Variants in MAGI1 observed in about 807,000 individuals in gnomAD.
MAGI1 encodes membrane associated guanylate kinase, WW and PDZ domain containing 1.
Under a neutral mutation model 139.9 loss-of-function variants are expected in MAGI1, and 58 were observed. The ratio of observed to expected loss-of-function variants is 0.41; its 90% CI spans 0.34 to 0.52. The LOEUF (loss-of-function observed/expected upper bound fraction) is 0.52, where lower values mean the gene tolerates loss of function less well. MAGI1 is among the 20% of genes least tolerant of loss of function. The pLI, the probability that MAGI1 is intolerant of heterozygous loss-of-function variation, is 0.12. For synonymous variants in MAGI1, 812 were observed against 737.9 expected (o/e 1.10, Z -1.63); for missense variants, 1,874 against 1,901.6 (o/e 0.99, Z 0.27).
At chr3:65,375,690 G>C in intron 18 of MAGI1, 55 bp downstream of exon 18, 1 of 1,369,352 alleles carries the variant, frequency 7.3e-7, no homozygotes, top group Non-Finnish European at 1.0e-6. Flanking sequence ...GGAAAAGACA[G>C]AGACAGAGAG....
intron 2 of MAGI1, among the ~76,000 whole-genome samples, chr3:65,617,009 A>G (rs1363709532): frequency 2.6e-5 from 4 of 152,240 alleles, no homozygotes; most frequent in Admixed American, 2.0e-4. Flanking sequence ...CCCATTTAAA[A>G]TAATAGGCAA....
intron 2 of MAGI1, among the ~76,000 whole-genome samples, chr3:65,526,980 C>T (rs1176557137): frequency 1.3e-5 from 2 of 152,166 alleles, no homozygotes; most frequent in Non-Finnish European, 2.9e-5. Flanking sequence ...CTGAAAGATA[C>T]ATATAAAGCA....
intron 1 of MAGI1, among the ~76,000 whole-genome samples, chr3:66,025,526 G>C (rs2068207938): frequency 1.3e-5 from 2 of 152,150 alleles, no homozygotes; most frequent in Admixed American, 6.5e-5. Flanking sequence ...AGAGAAGTAA[G>C]GCTCTGTCTC....
chr3:65,589,903 A>G (rs1162279464), intron 2 of MAGI1, among the ~76,000 whole-genome samples: 2 of 151,726 alleles, frequency 1.3e-5, no homozygotes, highest in Non-Finnish European at 2.9e-5. Context: ...CATCACCTTC[A>G]GGATAAGTTC....
intron 14 of MAGI1, among the ~76,000 whole-genome samples, chr3:65,388,604 G>A (rs2106959055): frequency 6.6e-6 from 1 of 152,182 alleles, no homozygotes; most frequent in Admixed American, 6.5e-5. Context: ...GAAAATCTGT[G>A]ACAGATACTG....
chr3:65,609,561 G>A (rs1224044307), intron 2 of MAGI1, among the ~76,000 whole-genome samples: 1 of 151,894 alleles, frequency 6.6e-6, no homozygotes, highest in South Asian at 2.1e-4. Context: ...TTACAGGTAC[G>A]AGCCACCGGG....
intron 16 of MAGI1, 84 bp from the exon 17 acceptor site, chr3:65,379,638 G>A (rs1942876240): frequency 1.2e-5 from 18 of 1,535,006 alleles, no homozygotes; most frequent in Non-Finnish European, 1.5e-5. Flanking sequence ...AGCAACTCCT[G>A]CTAGAAATCA....
chr3:65,688,038 A>C, intron 1 of MAGI1: 1 of 799,470 alleles, frequency 1.3e-6, no homozygotes, highest in Non-Finnish European at 2.2e-6. Flanking sequence ...CCTGGATCCT[A>C]GGCCTACTAA....
intron 2 of MAGI1, among the ~76,000 whole-genome samples, chr3:65,544,495 G>A (rs926614159): frequency 2.6e-5 from 4 of 152,166 alleles, no homozygotes; most frequent in African/African-American, 9.7e-5. Context: ...TAGACTAGAT[G>A]CTGTTAAGAC....
At chr3:65,544,811 G>A (rs1040687161) in intron 2 of MAGI1, among the ~76,000 whole-genome samples, 1 of 152,200 alleles carries the variant, frequency 6.6e-6, no homozygotes, top group Non-Finnish European at 1.5e-5. Flanking sequence ...GAAATATTCA[G>A]AGGCAGGTAG....
At position 65,478,712 on chromosome 3, in the gene MAGI1, C is replaced by T; in HGVS notation, c.637G>A (p.Gly213Ser). ...CGCTTCGGGGTCGACTGCTTAGAGCCAGACTGAAGGCTGTGCAAGGCATCC... is the reference window on the plus strand; with the variant it reads ...CGCTTCGGGGTCGACTGCTTAGAGCTAGACTGAAGGCTGTGCAAGGCATCC... ...TTDALHSLQSGSKQSTPKRTK... is the reference protein window; with the variant it reads ...TTDALHSLQSSSKQSTPKRTK... The change falls in exon 4 of 23, where the codon GGC becomes AGC. Residue 213 changes from glycine to serine, a missense_variant. By Grantham distance (56) the Gly-to-Ser change is moderately conservative. Coordinates refer to ENST00000402939, the MANE Select transcript of MAGI1 (RefSeq NM_001033057.2). 2 of 1,614,080 alleles carry T rather than the reference C, an allele frequency of 1.2e-6. No homozygotes were observed. The highest frequency in any genetic ancestry group is 1.7e-6 in the Non-Finnish European group (2 of 1,179,994).
chr3:65,570,483 G>C (rs927927008), intron 2 of MAGI1, among the ~76,000 whole-genome samples: 8 of 151,888 alleles, frequency 5.3e-5, no homozygotes, highest in African/African-American at 1.9e-4. Flanking sequence ...ATTATATATA[G>C]CTTAGAAATT....
chr3:65,439,749 C>T (rs1559554747), intron 9 of MAGI1, 130 bp downstream of exon 9: 4 of 1,538,132 alleles, frequency 2.6e-6, no homozygotes, highest in Non-Finnish European at 3.5e-6. Flanking sequence ...CCCCACAGGA[C>T]ATCAGCTCTT....
rs1266933760 is a variant in MAGI1, at chr3:65,426,381, C to T, written c.2167+3139G>A. Reference sequence around the variant, plus strand: ...TCTTGACAAGAACAAATGTCAAAAACGAGCTCTAGAGATGAGGAATTAAAA... The same window carrying T: ...TCTTGACAAGAACAAATGTCAAAAATGAGCTCTAGAGATGAGGAATTAAAA... On this transcript the variant is annotated intron_variant, in intron 12 of 22. Coordinates refer to ENST00000402939, the MANE Select transcript of MAGI1 (RefSeq NM_001033057.2). Among the ~76,000 whole-genome samples, 5 of 152,216 alleles carry T rather than the reference C, an allele frequency of 3.3e-5. No homozygotes were observed. In the East Asian group the frequency reaches 9.6e-4, roughly 29 times the overall value.
chr3:65,642,539 C>T (rs1320668282), intron 1 of MAGI1, among the ~76,000 whole-genome samples: 8 of 152,242 alleles, frequency 5.3e-5, no homozygotes, highest in East Asian at 1.9e-4. Flanking sequence ...CTAGACAGTC[C>T]GCCCTATCTA....
intron 2 of MAGI1, among the ~76,000 whole-genome samples, chr3:65,506,211 T>A (rs769207975): frequency 9.2e-5 from 14 of 152,164 alleles, no homozygotes; most frequent in Non-Finnish European, 1.8e-4. Flanking sequence ...CTTGGTTTCC[T>A]CATCTCTAAA....
intron 1 of MAGI1, among the ~76,000 whole-genome samples, chr3:65,701,716 A>G (rs942578427): frequency 3.9e-5 from 6 of 152,308 alleles, no homozygotes; most frequent in Non-Finnish European, 5.9e-5. Context: ...TTGCCAAGAA[A>G]TGGTCTCTGG....
intron 1 of MAGI1, among the ~76,000 whole-genome samples, chr3:65,786,651 A>T (rs2649192): frequency 6.8e-6 from 1 of 146,792 alleles, no homozygotes; most frequent in Non-Finnish European, 1.5e-5. Context: ...TTGCTTTGTC[A>T]CCCAGGCTGG....
chr3:65,594,677 T>A (rs994601045), intron 2 of MAGI1, among the ~76,000 whole-genome samples: 1 of 151,922 alleles, frequency 6.6e-6, no homozygotes, highest in East Asian at 1.9e-4. Flanking sequence ...ACATAAGAAA[T>A]TTTTTTTTCA....
Sources: gnomAD v4.1 joint callset for allele counts (sites outside exome capture counted in the v4.1 genomes callset) on GRCh38, gnomAD v4.1.1 for gene constraint, MANE v1.5 for transcripts, NCBI Gene and HGNC (gene_info 2026-07-23, HGNC 2026-07-21) for gene names.